Variants in KIF26B observed in about 807,000 individuals in gnomAD.
KIF26B encodes kinesin-like protein KIF26B.
In KIF26B, 63 loss-of-function variants were observed where a neutral mutation model predicts 151.2. The observed-to-expected ratio is 0.42, with a 90% CI of 0.34 to 0.51. KIF26B has a LOEUF of 0.51. Ranked by LOEUF, KIF26B falls within the 20% of genes least tolerant of loss-of-function variation. The pLI is 0.07. For missense variants in KIF26B, 2,813 were observed against 2,913.6 expected, an observed-to-expected ratio of 0.97 and a Z score of 0.79; for synonymous variants, 1,357 against 1,262.1, an observed-to-expected ratio of 1.08 and a Z score of -1.59.
At chr1:245,384,967 A>T (rs761826247) in intron 3 of KIF26B, among the ~76,000 whole-genome samples, 1 of 152,138 alleles carries the variant, frequency 6.6e-6, no homozygotes, top group East Asian at 1.9e-4. Context: ...TCTTTTTGCT[A>T]TTAAATTACA....
At chr1:245,659,333 G>C (rs557522929) in intron 10 of KIF26B, among the ~76,000 whole-genome samples, 18 of 152,188 alleles carry the variant, frequency 1.2e-4, no homozygotes, top group African/African-American at 3.6e-4. Flanking sequence ...TGCATCTTTA[G>C]TGACAGATAT....
intron 10 of KIF26B, among the ~76,000 whole-genome samples, chr1:245,679,738 G>A (rs576094486): frequency 2.6e-4 from 39 of 152,228 alleles, no homozygotes; most frequent in African/African-American, 8.7e-4. Context: ...CAAAGTGTGG[G>A]GATTACAGGC....
At chr1:245,529,611 A>G (rs114160734) in intron 4 of KIF26B, among the ~76,000 whole-genome samples, 1,875 of 152,210 alleles carry the variant, frequency 0.012, 50 homozygotes, top group African/African-American at 0.043. Context: ...AAAAGTGTCT[A>G]TTTTCACACA....
chr1:245,606,571 A>G lies in KIF26B; in HGVS notation c.1558-1080A>G, dbSNP rs532639587. Among the ~76,000 whole-genome samples, 28 of 152,256 alleles carry G rather than the reference A, an allele frequency of 1.8e-4. No homozygotes were observed. Among genetic ancestry groups the G allele is most frequent in the Non-Finnish European group, 3.7e-4 (25 of 68,050 alleles). ...AAAACCGACAGCTCTGATGGCTCGC[A>G]GAGCTCTGTATTAGCGGGTGTTCAG... On this transcript the variant is annotated intron_variant, in intron 6 of 14. Transcript: ENST00000407071. The surrounding 1 kb of genome is among the most constrained non-coding windows in gnomAD (Gnocchi z 4.6).
intron 5 of KIF26B, among the ~76,000 whole-genome samples, chr1:245,541,860 G>T (rs561081644): frequency 6.6e-6 from 1 of 152,050 alleles, no homozygotes; most frequent in African/African-American, 2.4e-5. Context: ...ACCCAAACAC[G>T]GTCATGGCTG....
rs2044811972 is a variant in KIF26B at position 245,704,258 on chromosome 1, G to GTCTT, written c.*1654_*1657dup. On this transcript the variant is annotated 3_prime_UTR_variant, in exon 15 of 15. Transcript: ENST00000407071. ...AGCCTATTTATTTCCAAGCTAGGCTGTCTTTATTAACCAACAACTCAGCCC... is the reference window on the plus strand; with the variant it reads ...AGCCTATTTATTTCCAAGCTAGGCTGTCTTTCTTTATTAACCAACAACTCAGCCC... 3 of 152,298 alleles carry GTCTT rather than the reference G, an allele frequency of 2.0e-5. No individual in the cohort carries two copies. Among genetic ancestry groups the GTCTT allele is most frequent in the Non-Finnish European group, 4.4e-5 (3 of 68,094 alleles). 9.4% of individuals were successfully genotyped at this position (152,298 alleles called of 1,614,324 possible).
rs1363252288 is a variant in KIF26B, at chr1:245,335,605, C to CGGGGAAAGGAGAGTCCCACGA, written c.466-31198_466-31178dup. Among the ~76,000 whole-genome samples, 857 of 145,452 alleles carry CGGGGAAAGGAGAGTCCCACGA rather than the reference C, an allele frequency of 5.9e-3. 11 individuals carry two copies. The highest frequency in any genetic ancestry group is 0.012 in the Middle Eastern group (3 of 256). On this transcript the variant is annotated intron_variant, in intron 2 of 14. Coordinates refer to ENST00000407071, the MANE Select transcript of KIF26B (RefSeq NM_018012.4). Reference sequence around the variant, plus strand: ...CACGCGGGAAAAGGAGAGTGCCACGCGGGGAAAGGAGAGTCCCACGAGGGG... The same window carrying CGGGGAAAGGAGAGTCCCACGA: ...CACGCGGGAAAAGGAGAGTGCCACGCGGGGAAAGGAGAGTCCCACGAGGGGAAAGGAGAGTCCCACGAGGGG...
rs114343195 is a variant in KIF26B at position 245,483,946 on chromosome 1, A to T, written c.1167-56821A>T. On this transcript the variant is annotated intron_variant, in intron 4 of 14. Transcript: ENST00000407071. ...ATCTGAGTTTCCTCATTCCACCTTTATGTTTTTCCTTATGTCTTTATAAAA... is the reference window on the plus strand; with the variant it reads ...ATCTGAGTTTCCTCATTCCACCTTTTTGTTTTTCCTTATGTCTTTATAAAA... Among the ~76,000 whole-genome samples the T allele has an allele frequency of 4.4e-3, 663 of 151,790 alleles. 7 individuals carry two copies. Among genetic ancestry groups the T allele is most frequent in the African/African-American group, 0.015 (612 of 41,476 alleles).
chr1:245,538,624 T>G (rs1245585961), intron 4 of KIF26B, among the ~76,000 whole-genome samples: 2 of 152,112 alleles, frequency 1.3e-5, no homozygotes. Flanking sequence ...CCTTCCCCTG[T>G]CTGTCTCTCC....
intron 4 of KIF26B, among the ~76,000 whole-genome samples, chr1:245,464,882 G>A (rs1423326743): frequency 6.6e-6 from 1 of 152,130 alleles, no homozygotes; most frequent in Non-Finnish European, 1.5e-5. Context: ...GCAGCTATGT[G>A]CAGAGCCAGA....
At chr1:245,696,442 G>C (rs771303272) in intron 12 of KIF26B, among the ~76,000 whole-genome samples, 1 of 152,140 alleles carries the variant, frequency 6.6e-6, no homozygotes, top group Non-Finnish European at 1.5e-5. Flanking sequence ...GAGGCTCTGA[G>C]CCAGAACCAC....
At chr1:245,590,056 T>C (rs1254784372) in intron 5 of KIF26B, among the ~76,000 whole-genome samples, 1 of 151,342 alleles carries the variant, frequency 6.6e-6, no homozygotes, top group East Asian at 2.0e-4. Flanking sequence ...TCGTAACACA[T>C]GAGTGAGCTT....
chr1:245,649,690 C>A (rs1018302680), intron 10 of KIF26B, among the ~76,000 whole-genome samples: 16 of 151,862 alleles, frequency 1.1e-4, no homozygotes, highest in African/African-American at 2.2e-4. Context: ...CCACCCCCCC[C>A]AAAAAACACA....
intron 2 of KIF26B, among the ~76,000 whole-genome samples, chr1:245,305,936 C>CAAAAA (rs55865379): frequency 2.5e-3 from 215 of 85,670 alleles, no homozygotes; most frequent in South Asian, 3.2e-3. Flanking sequence ...GACGACTCCT[C>CAAAAA]AAAAAAAAAA....
At chr1:245,514,444 G>A (rs1042963530) in intron 4 of KIF26B, among the ~76,000 whole-genome samples, 2 of 151,984 alleles carry the variant, frequency 1.3e-5, no homozygotes, top group Admixed American at 1.3e-4. Flanking sequence ...CAGGAGAATC[G>A]CTTGAACCCA....
chr1:245,494,102 G>A (rs934786557), intron 4 of KIF26B, among the ~76,000 whole-genome samples: 1 of 152,078 alleles, frequency 6.6e-6, no homozygotes, highest in African/African-American at 2.4e-5. Flanking sequence ...TCAGGAGTTT[G>A]AGACCAGCCA....
At position 245,681,959 on chromosome 1, in the gene KIF26B, T is replaced by C. The variant is rs536244224; in HGVS notation, c.2259-2274T>C. ...TAGGTTGGTGCAAAAGTAATTGAAA[T>C]GGGCCAGATGCAGTGGCTCACACCT... On this transcript the variant is annotated intron_variant, in intron 10 of 14. Coordinates refer to ENST00000407071, the MANE Select transcript of KIF26B (RefSeq NM_018012.4). Among the ~76,000 whole-genome samples, 4 of 152,258 alleles carry C rather than the reference T, an allele frequency of 2.6e-5. No individual in the cohort carries two copies. In the East Asian group the frequency reaches 5.8e-4, roughly 22 times the overall value.
intron 3 of KIF26B, among the ~76,000 whole-genome samples, chr1:245,399,022 T>C (rs1053643530): frequency 6.6e-6 from 1 of 152,160 alleles, no homozygotes; most frequent in Non-Finnish European, 1.5e-5. Flanking sequence ...TTCAGTAAAA[T>C]TAACATTGAT....
chr1:245,505,239 A>AT (rs10536611), intron 4 of KIF26B, among the ~76,000 whole-genome samples: 1,905 of 148,336 alleles, frequency 0.013, 25 homozygotes, highest in African/African-American at 0.027. Context: ...CGCCTCGCCT[A>AT]TTTTTTTTTT....
Sources: allele counts gnomAD v4.1 joint callset (sites outside exome capture counted in the v4.1 genomes callset), GRCh38; gene constraint gnomAD v4.1.1; non-coding constraint Gnocchi (gnomAD v3.1); transcripts MANE v1.5; gene names NCBI Gene and HGNC (gene_info 2026-07-23, HGNC 2026-07-21).